PKIA: variants seen among roughly 807,000 people sequenced by gnomAD.
PKIA encodes the protein PKI-alpha.
PKIA carries 4 observed loss-of-function variants against 7.6 expected under a neutral mutation model. The observed-to-expected ratio is 0.52, with a 90% confidence interval of 0.26 to 1.20. The LOEUF (loss-of-function observed/expected upper bound fraction) is 1.20. Ranked by LOEUF, PKIA falls within the 50% of genes most tolerant of loss-of-function variation. The pLI is 0.13. For missense variants in PKIA, 73 were observed against 86.2 expected, an observed-to-expected ratio of 0.85 and a Z score of 0.61; for synonymous variants, 21 against 30.7, an observed-to-expected ratio of 0.68 and a Z score of 1.04.
intron 3 of PKIA, 62 bp downstream of exon 3, chr8:78,598,597 G>T: frequency 7.5e-7 from 1 of 1,341,488 alleles, no homozygotes; most frequent in Non-Finnish European, 1.1e-6. Context: ...TTTACTAAGA[G>T]GGATTAAGGC....
intron 1 of PKIA, among the ~76,000 whole-genome samples, chr8:78,546,544 T>C (rs947082574): frequency 6.6e-6 from 1 of 152,032 alleles, no homozygotes; most frequent in Non-Finnish European, 1.5e-5. Context: ...AAAAATCAAA[T>C]CCTATTACCT....
chr8:78,518,968 T>C (rs1490596730), intron 1 of PKIA, among the ~76,000 whole-genome samples: 1 of 152,202 alleles, frequency 6.6e-6, no homozygotes, highest in Non-Finnish European at 1.5e-5. Flanking sequence ...TGATTTTATG[T>C]CTGAAACTGA....
chr8:78,594,777 G>C (rs1285124120), intron 2 of PKIA, among the ~76,000 whole-genome samples: 8 of 152,114 alleles, frequency 5.3e-5, no homozygotes, highest in African/African-American at 1.9e-4. Context: ...GTCTTAAAAA[G>C]GCAGGTCAAT....
At chr8:78,555,231 A>G (rs1807098716) in intron 1 of PKIA, among the ~76,000 whole-genome samples, 1 of 151,964 alleles carries the variant, frequency 6.6e-6, no homozygotes, top group Admixed American at 6.6e-5. Flanking sequence ...CCTTGAGTCT[A>G]TTTATTACTC....
intron 2 of PKIA, among the ~76,000 whole-genome samples, chr8:78,597,491 G>GCAAA (rs1033969445): frequency 6.6e-6 from 1 of 152,078 alleles, no homozygotes; most frequent in Non-Finnish European, 1.5e-5. Context: ...GTAATAAAAA[G>GCAAA]CAAACTGAAT....
intron 1 of PKIA, among the ~76,000 whole-genome samples, chr8:78,540,010 G>A (rs868127803): frequency 1.3e-5 from 2 of 151,644 alleles, no homozygotes; most frequent in South Asian, 2.1e-4. Flanking sequence ...AGTTCATTGG[G>A]GTCAAGAAGA....
At chr8:78,585,607 A>G (rs1807933454) in intron 2 of PKIA, among the ~76,000 whole-genome samples, 1 of 152,190 alleles carries the variant, frequency 6.6e-6, no homozygotes, top group Non-Finnish European at 1.5e-5. Context: ...GCATCTGCAG[A>G]GAAGATATTA....
chr8:78,533,921 C>T (rs1806453331), intron 1 of PKIA: 1 of 152,016 alleles, frequency 6.6e-6, no homozygotes, highest in Non-Finnish European at 1.5e-5. Context: ...GTTTAATATG[C>T]ATGTTTGGCA....
intron 1 of PKIA, among the ~76,000 whole-genome samples, chr8:78,541,423 T>C (rs1806684256): frequency 6.6e-6 from 1 of 152,122 alleles, no homozygotes; most frequent in African/African-American, 2.4e-5. Context: ...GGTGGAAATA[T>C]CTGACAGAAA....
intron 1 of PKIA, among the ~76,000 whole-genome samples, chr8:78,538,083 T>C (rs1268001656): frequency 6.6e-6 from 1 of 151,932 alleles, no homozygotes. Flanking sequence ...CCTAAACTTG[T>C]TCTTTCTCTA....
chr8:78,602,036 G>A lies in PKIA; in HGVS notation c.*215G>A. Reference sequence around the variant, plus strand: ...TCATTAGCAATGGTTGAAATCATGTGGCTTGTGTTTGGGCGTCATTTTTGT... The same window carrying A: ...TCATTAGCAATGGTTGAAATCATGTAGCTTGTGTTTGGGCGTCATTTTTGT... On this transcript the variant is annotated 3_prime_UTR_variant, in exon 4 of 4. Transcript: ENST00000396418. 3.6e-6 allele frequency: 2 copies of A among 554,548 alleles called. No individual in the cohort carries two copies. Among genetic ancestry groups the A allele is most frequent in the Non-Finnish European group, 6.4e-6 (2 of 312,430 alleles). 34.4% of individuals were successfully genotyped at this position (554,548 alleles called of 1,614,324 possible). A position where few individuals can be genotyped will look rare whatever the true frequency, so the allele number is the denominator to read the frequency against.
intron 2 of PKIA, among the ~76,000 whole-genome samples, chr8:78,581,032 C>T (rs561066690): frequency 1.3e-4 from 19 of 151,974 alleles, no homozygotes; most frequent in African/African-American, 4.4e-4. Context: ...CAGCTATTCC[C>T]CAATAACAGT....
chr8:78,551,044 G>A (rs574055630), intron 1 of PKIA, among the ~76,000 whole-genome samples: 1 of 152,148 alleles, frequency 6.6e-6, no homozygotes, highest in East Asian at 1.9e-4. Context: ...AGAATCTTGT[G>A]TGTTTGTAAT....
chr8:78,531,754 C>A (rs1050907911), intron 1 of PKIA, among the ~76,000 whole-genome samples: 5 of 151,896 alleles, frequency 3.3e-5, no homozygotes, highest in African/African-American at 1.2e-4. Flanking sequence ...GTTGTATGGC[C>A]ATTTAATTGC....
At chr8:78,581,997 TGTAA>T in intron 2 of PKIA, among the ~76,000 whole-genome samples, 1 of 152,136 alleles carries the variant, frequency 6.6e-6, no homozygotes. Flanking sequence ...TCAACGTTTT[TGTAA>T]GTGTGAGATC....
At chr8:78,557,278 A>C (rs1038933831) in intron 1 of PKIA, among the ~76,000 whole-genome samples, 7 of 152,170 alleles carry the variant, frequency 4.6e-5, no homozygotes, top group African/African-American at 1.7e-4. Flanking sequence ...ATAGAACCCA[A>C]AATGGCACCA....
intron 3 of PKIA, among the ~76,000 whole-genome samples, chr8:78,600,538 T>C (rs73244980): frequency 6.6e-6 from 1 of 152,052 alleles, no homozygotes; most frequent in Non-Finnish European, 1.5e-5. Flanking sequence ...GTCTTACATA[T>C]GCCCTAATTT....
chr8:78,545,610 C>T (rs1806801133), intron 1 of PKIA, among the ~76,000 whole-genome samples: 1 of 151,962 alleles, frequency 6.6e-6, no homozygotes, highest in African/African-American at 2.4e-5. Context: ...AGTCTGTCTT[C>T]CCTGAATACA....
intron 2 of PKIA, among the ~76,000 whole-genome samples, chr8:78,584,770 A>G (rs932837634): frequency 8.5e-5 from 13 of 152,146 alleles, no homozygotes; most frequent in African/African-American, 3.1e-4. Context: ...TAAAATTTAG[A>G]GTGCAAACTA....
Sources: gnomAD v4.1 joint callset for allele counts (sites outside exome capture counted in the v4.1 genomes callset) on GRCh38, gnomAD v4.1.1 for gene constraint, MANE v1.5 for transcripts, NCBI Gene and HGNC (gene_info 2026-07-23, HGNC 2026-07-21) for gene names.